TRPS1: variants seen among roughly 807,000 people sequenced by gnomAD.
TRPS1 encodes transcriptional repressor GATA binding 1, also known as zinc finger transcription factor Trps1.
A neutral mutation model predicts 101.2 loss-of-function variants in TRPS1; 6 were observed. The observed-to-expected ratio is 0.06, with a 90% CI of 0.03 to 0.12. The LOEUF (loss-of-function observed/expected upper bound fraction) is 0.12, where lower values mean the gene tolerates loss of function less well. Ranked by LOEUF, TRPS1 falls within the 10% of genes least tolerant of loss-of-function variation. The pLI is 1.00. For missense variants in TRPS1, 1,363 were observed against 1,567.0 expected, an observed-to-expected ratio of 0.87 and a Z score of 2.20; for synonymous variants, 578 against 589.8, an observed-to-expected ratio of 0.98 and a Z score of 0.29.
At chr8:115,646,458 C>A (rs1176041315) in intron 1 of TRPS1, among the ~76,000 whole-genome samples, 4 of 152,098 alleles carry the variant, frequency 2.6e-5, no homozygotes. Context: ...TTGTACATAT[C>A]TGGAGAACAA....
chr8:115,638,270 CCAGA>C (rs572881617), intron 1 of TRPS1, among the ~76,000 whole-genome samples: 2 of 151,600 alleles, frequency 1.3e-5, no homozygotes, highest in South Asian at 4.1e-4. Context: ...GACTTGCCAT[CCAGA>C]CAGAGTTTGT....
At chr8:115,527,290 T>C (rs993487706) in intron 5 of TRPS1, among the ~76,000 whole-genome samples, 2 of 152,040 alleles carry the variant, frequency 1.3e-5, no homozygotes, top group South Asian at 2.1e-4. Context: ...CACAAAAGAA[T>C]GATATCGTTT....
At chr8:115,492,223 T>C (rs1375039193) in intron 5 of TRPS1, 3 of 456,160 alleles carry the variant, frequency 6.6e-6, no homozygotes, top group African/African-American at 2.0e-5. Context: ...GTGCTCTTGG[T>C]TGGAAGCTTT....
intron 5 of TRPS1, chr8:115,510,911 T>C (rs1049197673): frequency 6.6e-6 from 1 of 151,936 alleles, no homozygotes; most frequent in Admixed American, 6.6e-5. Context: ...ATGTAAAGAA[T>C]TTTCAGGATG....
chr8:115,536,804 T>G lies in TRPS1; in HGVS notation c.2700+50197A>C, dbSNP rs924368671. ...TAGCTGAAGTTTTTTTTTTGTTTTTTTTTTCCCTCTTAGTGGTGAGAAATA... is the reference window on the plus strand; with the variant it reads ...TAGCTGAAGTTTTTTTTTTGTTTTTGTTTTCCCTCTTAGTGGTGAGAAATA... On this transcript the variant is annotated intron_variant, in intron 5 of 6. Coordinates refer to ENST00000395715, the MANE Select transcript of TRPS1 (RefSeq NM_014112.5). Among the ~76,000 whole-genome samples, 6 of 151,752 alleles carry G rather than the reference T, an allele frequency of 4.0e-5. 1 individual carries two copies. The highest frequency in any genetic ancestry group is 1.4e-4 in the African/African-American group (6 of 41,498).
Position 115,619,849 on chromosome 8 carries a change from G to A in TRPS1, c.249C>T (p.Ser83=), listed in dbSNP as rs1818353217. ...CTGCGCTTTTCAAGTCCTTCTTACTGCTAGAAGATGGATCTTGAACATGCA... is the reference window on the plus strand; with the variant it reads ...CTGCGCTTTTCAAGTCCTTCTTACTACTAGAAGATGGATCTTGAACATGCA... The part of the protein sequence containing the change: ...HSLHVQDPSS[S]SKKDLKSAVL... The change falls in exon 3 of 7, where the codon AGC becomes AGT. Residue 83 remains serine, a synonymous_variant. Transcript: ENST00000395715. The A allele has an allele frequency of 6.2e-7, 1 of 1,614,158 alleles. No individual in the cohort carries two copies. The highest frequency in any genetic ancestry group is 1.1e-5 in the South Asian group (1 of 91,082).
At chr8:115,633,364 T>G (rs977496200) in intron 1 of TRPS1, among the ~76,000 whole-genome samples, 1 of 152,034 alleles carries the variant, frequency 6.6e-6, no homozygotes, top group African/African-American at 2.4e-5. Flanking sequence ...ACTCTGTATG[T>G]GATTCTGCTG....
At position 115,413,386 on chromosome 8, in the gene TRPS1, G is replaced by T; in HGVS notation, c.*637C>A. Reference sequence around the variant, plus strand: ...GGTGTGCATGTGTATGTACAGGCAGGGCTGGGTAAAAACAGCGTGCCACCA... The same window carrying T: ...GGTGTGCATGTGTATGTACAGGCAGTGCTGGGTAAAAACAGCGTGCCACCA... On this transcript the variant is annotated 3_prime_UTR_variant, in exon 7 of 7. Coordinates refer to ENST00000395715, the MANE Select transcript of TRPS1 (RefSeq NM_014112.5). 1 of 152,760 alleles carries T rather than the reference G, an allele frequency of 6.5e-6. No homozygotes were observed. The highest frequency in any genetic ancestry group is 1.5e-5 in the Non-Finnish European group (1 of 68,112). 9.5% of individuals were successfully genotyped at this position (152,760 alleles called of 1,614,324 possible). A position where few individuals can be genotyped will look rare whatever the true frequency, so the allele number is the denominator to read the frequency against.
intron 5 of TRPS1, among the ~76,000 whole-genome samples, chr8:115,449,649 T>G (rs1019408295): frequency 1.3e-4 from 20 of 152,344 alleles, no homozygotes; most frequent in African/African-American, 4.6e-4. Flanking sequence ...TCATGATTTC[T>G]TCTCCATATT....
chr8:115,575,279 A>G (rs1817292075), intron 5 of TRPS1, among the ~76,000 whole-genome samples: 1 of 152,182 alleles, frequency 6.6e-6, no homozygotes, highest in Admixed American at 6.5e-5. Flanking sequence ...CTATGAAGTC[A>G]ATAAATATGA....
At chr8:115,574,087 T>G (rs1027510388) in intron 5 of TRPS1, among the ~76,000 whole-genome samples, 2 of 152,210 alleles carry the variant, frequency 1.3e-5, no homozygotes, top group Non-Finnish European at 2.9e-5. Context: ...TAACTGTATA[T>G]AACTTGAGTA....
intron 5 of TRPS1, among the ~76,000 whole-genome samples, chr8:115,469,056 G>C (rs371124231): frequency 1.3e-5 from 2 of 152,266 alleles, no homozygotes; most frequent in Admixed American, 6.5e-5. Flanking sequence ...CCAGAGGATT[G>C]CTTGAGCCTG....
At chr8:115,526,006 T>C (rs1192879002) in intron 5 of TRPS1, among the ~76,000 whole-genome samples, 11 of 152,176 alleles carry the variant, frequency 7.2e-5, no homozygotes, top group Non-Finnish European at 1.6e-4. Flanking sequence ...ATAAATTATT[T>C]GCAAAGATTT....
intron 5 of TRPS1, among the ~76,000 whole-genome samples, chr8:115,545,329 G>A (rs1359548336): frequency 4.6e-5 from 7 of 152,096 alleles, no homozygotes; most frequent in East Asian, 1.9e-4. Context: ...TAAACTGCAC[G>A]AATTATACTT....
chr8:115,662,935 G>A (rs1382657061), intron 1 of TRPS1, among the ~76,000 whole-genome samples: 3 of 151,970 alleles, frequency 2.0e-5, no homozygotes, highest in South Asian at 2.1e-4. Context: ...TGTCGCATTC[G>A]TTATATAAAC....
intron 5 of TRPS1, among the ~76,000 whole-genome samples, chr8:115,449,124 C>T (rs190898726): frequency 1.3e-5 from 2 of 152,206 alleles, no homozygotes; most frequent in East Asian, 3.9e-4. Context: ...ACAATTATTA[C>T]AATATGACTA....
Position 115,604,539 on chromosome 8 carries a change from G to A in TRPS1, c.1430C>T (p.Ser477Leu), listed in dbSNP as rs753537419. 3 of 1,613,968 alleles carry A rather than the reference G, an allele frequency of 1.9e-6. No individual in the cohort carries two copies. The African/African-American group carries it at 4.0e-5, about 22-fold the overall frequency. ...HYGKQHGAVQ[S>L]GGLNPELNDK... ...ATTTAACTCTGGATTAAGGCCGCCTGACTGCACTGCTCCGTGCTGCTTGCC... is the reference window on the plus strand; with the variant it reads ...ATTTAACTCTGGATTAAGGCCGCCTAACTGCACTGCTCCGTGCTGCTTGCC... Residue 477 changes from serine (S) to leucine (L), a missense_variant, in exon 4 of 7, where the codon TCA (serine) becomes TTA (leucine). Ser to Leu is a moderately radical substitution (Grantham distance 145). Coordinates refer to ENST00000395715, the MANE Select transcript of TRPS1 (RefSeq NM_014112.5). This position sits in a 1 kb window ranked among gnomAD's most constrained non-coding sequence, Gnocchi z 4.1.
At chr8:115,515,322 G>C (rs1422022736) in intron 5 of TRPS1, 1 of 693,304 alleles carries the variant, frequency 1.4e-6, no homozygotes, top group Non-Finnish European at 2.6e-6. Context: ...AAAAAAGTTA[G>C]AATTAGCTCA....
intron 5 of TRPS1, among the ~76,000 whole-genome samples, chr8:115,538,658 T>G (rs1229379499): frequency 6.6e-6 from 1 of 152,132 alleles, no homozygotes; most frequent in African/African-American, 2.4e-5. Flanking sequence ...GTGACCAATA[T>G]TTAGAATAAA....
Sources: gnomAD v4.1 joint callset for allele counts (sites outside exome capture counted in the v4.1 genomes callset) on GRCh38, gnomAD v4.1.1 for gene constraint, Gnocchi (gnomAD v3.1) non-coding constraint, MANE v1.5 for transcripts, NCBI Gene and HGNC (gene_info 2026-07-23, HGNC 2026-07-21) for gene names.